Variants in NSUN4 observed in about 807,000 individuals in gnomAD.
NSUN4 encodes 5-cytosine rRNA methyltransferase NSUN4.
A neutral mutation model predicts 43.8 loss-of-function variants in NSUN4; 31 were observed. That is an observed-to-expected ratio of 0.71 (90% CI 0.53 to 0.96). The LOEUF (loss-of-function observed/expected upper bound fraction) is 0.96. Ranked by LOEUF, NSUN4 falls within the 40% of genes least tolerant of loss-of-function variation. The pLI is 0.00. For synonymous variants in NSUN4, 167 were observed against 184.1 expected (o/e 0.91, Z 0.75); for missense variants, 439 against 475.6 (o/e 0.92, Z 0.72).
At chr1:46,378,858 C>T in the NSUN4 span, among the ~76,000 whole-genome samples, 34,130 of 152,138 alleles carry the variant, frequency 0.22, 4,294 homozygotes, top group Non-Finnish European at 0.29. Context: ...CTCCACATGG[C>T]TTCTAGTCCT....
At chr1:46,383,448 G>GTTT in the NSUN4 span, among the ~76,000 whole-genome samples, 76 of 102,358 alleles carry the variant, frequency 7.4e-4, no homozygotes, top group African/African-American at 1.1e-3. Flanking sequence ...GTTGGCTGGT[G>GTTT]TTTTTTTTTT....
chr1:46,347,039 G>A lies in NSUN4; in HGVS notation c.556G>A (p.Gly186Arg). 6.2e-7 allele frequency: 1 copy of A among 1,614,186 alleles called. No homozygotes were observed. The highest frequency in any genetic ancestry group is 8.5e-7 in the Non-Finnish European group (1 of 1,180,024). Residue 186 changes from glycine to arginine, a missense_variant, in exon 3 of 6, where the codon GGA becomes AGA. Physicochemically the swap from Gly to Arg is moderately radical, Grantham distance 125. Coordinates refer to ENST00000474844, the MANE Select transcript of NSUN4 (RefSeq NM_199044.4). The part of the protein sequence containing the change: ...IVLDLCAAPG[G>R]KTLALLQTGC... ...GCTTGACCTATGTGCAGCTCCTGGG[G>A]GAAAGACACTAGCGTTGCTTCAGAC...
At chr1:46,354,512 G>A (rs527675309) in intron 4 of NSUN4, among the ~76,000 whole-genome samples, 63 of 152,154 alleles carry the variant, frequency 4.1e-4, no homozygotes, top group Non-Finnish European at 6.3e-4. Context: ...TTGTCTCTGT[G>A]TTGTCACCTG....
the NSUN4 span, among the ~76,000 whole-genome samples, chr1:46,377,351 G>A: frequency 6.6e-6 from 1 of 152,004 alleles, no homozygotes; most frequent in Non-Finnish European, 1.5e-5. Flanking sequence ...TGCCCAACCA[G>A]AGTTCTTTAA....
rs376479875 is a variant in NSUN4 at position 46,344,807 on chromosome 1, A to G, written c.100A>G (p.Thr34Ala). ...CCTGTCCTCTCTCTTTTAGGCTGCC[A>G]CAGAGCCCAAATTCCCTGCTGTTCG... Reference protein sequence around the residue: ...RHRYKKKWAATEPKFPAVRLA... With the variant: ...RHRYKKKWAAAEPKFPAVRLA... Residue 34 changes from threonine (T) to alanine (A), a missense_variant, in exon 2 of 6, where the codon ACA (threonine) becomes GCA (alanine). Coordinates refer to ENST00000474844, the MANE Select transcript of NSUN4 (RefSeq NM_199044.4). 16 of 1,613,254 alleles carry G rather than the reference A, an allele frequency of 9.9e-6. No individual in the cohort carries two copies. The highest frequency in any genetic ancestry group is 1.6e-4 in the Middle Eastern group (1 of 6,074).
At chr1:46,366,559 G>A (rs1664137144), downstream of NSUN4, among the ~76,000 whole-genome samples, 2 of 151,834 alleles carry the variant, frequency 1.3e-5, no homozygotes, top group Admixed American at 1.3e-4. Flanking sequence ...TAAAAAAAGA[G>A]AAGGGGGTTG....
chr1:46,377,296 C>T, the NSUN4 span, among the ~76,000 whole-genome samples: 1 of 152,244 alleles, frequency 6.6e-6, no homozygotes, highest in South Asian at 2.1e-4. Flanking sequence ...GTGATCCACC[C>T]GCCTTGGCCT....
chr1:46,341,073 C>T (rs1662061622), intron 1 of NSUN4, 154 bp downstream of exon 1: 1 of 1,158,862 alleles, frequency 8.6e-7, no homozygotes, highest in East Asian at 2.7e-5. Flanking sequence ...CCGTCACCGC[C>T]TCTGTCCGCA....
chr1:46,352,890 C>G lies in NSUN4; in HGVS notation c.615C>G (p.Leu205=). The G allele has an allele frequency of 6.2e-7, 1 of 1,614,180 alleles. No individual in the cohort carries two copies. The highest frequency in any genetic ancestry group is 1.1e-5 in the South Asian group (1 of 91,086). The change falls in exon 4 of 6, where the codon CTC becomes CTG. Residue 205 remains leucine, a synonymous_variant. Coordinates refer to ENST00000474844, the MANE Select transcript of NSUN4 (RefSeq NM_199044.4). The stretch of plus-strand genomic sequence containing the variant: ...TAGGCAATCTTGCTGCCAATGATCT[C>G]TCCCCGTCCCGAATAGCCAGACTAC... The part of the protein sequence containing the change: ...GCCRNLAAND[L]SPSRIARLQK...
chr1:46,370,057 A>G (rs1471281473), downstream of NSUN4, among the ~76,000 whole-genome samples: 1 of 152,220 alleles, frequency 6.6e-6, no homozygotes, highest in Non-Finnish European at 1.5e-5. Context: ...TGTTCAGACC[A>G]TATTTTGAGG....
downstream of NSUN4, among the ~76,000 whole-genome samples, chr1:46,367,351 G>A (rs1664159932): frequency 6.6e-6 from 1 of 152,154 alleles, no homozygotes; most frequent in Non-Finnish European, 1.5e-5. Context: ...TGTGAAAAAA[G>A]CATTGTTTTA....
At chr1:46,381,939 T>A in the NSUN4 span, among the ~76,000 whole-genome samples, 1 of 152,158 alleles carries the variant, frequency 6.6e-6, no homozygotes, top group Non-Finnish European at 1.5e-5. Flanking sequence ...AGGCACTCAA[T>A]CCTCACTGAA....
the NSUN4 span, chr1:46,370,455 TGTA>T: frequency 6.6e-6 from 1 of 152,160 alleles, no homozygotes; most frequent in Non-Finnish European, 1.5e-5. Flanking sequence ...CTCTTGGACA[TGTA>T]GTAGGCTTGC....
downstream of NSUN4, among the ~76,000 whole-genome samples, chr1:46,366,704 C>CAAAAAAAAAAAAAAA (rs34437222): frequency 3.4e-5 from 2 of 59,400 alleles, no homozygotes; most frequent in Admixed American, 2.4e-4. Flanking sequence ...ACTAAAAATA[C>CAAAAAAAAAAAAAAA]AAAAAAAAAA....
At chr1:46,378,357 C>T in the NSUN4 span, among the ~76,000 whole-genome samples, 1 of 152,008 alleles carries the variant, frequency 6.6e-6, no homozygotes, top group Non-Finnish European at 1.5e-5. Flanking sequence ...GTCACCACAC[C>T]CCTTAATTTT....
At chr1:46,355,561 C>T (rs1663302662) in intron 4 of NSUN4, among the ~76,000 whole-genome samples, 1 of 152,180 alleles carries the variant, frequency 6.6e-6, no homozygotes, top group African/African-American at 2.4e-5. Flanking sequence ...ATATAGAAAA[C>T]ATTCAGTAGT....
the NSUN4 span, among the ~76,000 whole-genome samples, chr1:46,374,087 G>C: frequency 6.6e-6 from 1 of 152,006 alleles, no homozygotes. Context: ...AGGAGTTTGA[G>C]ATCAGCTTGC....
At chr1:46,344,748 AG>A (rs1198599453) in intron 1 of NSUN4, 52 bp from the exon 2 acceptor site, 10 of 1,502,618 alleles carry the variant, frequency 6.7e-6, no homozygotes, top group African/African-American at 5.5e-5. Flanking sequence ...GTCAGGTAGT[AG>A]GGGGTAGAGT....
chr1:46,350,531 C>T (rs1267991921), intron 3 of NSUN4, among the ~76,000 whole-genome samples: 1 of 152,172 alleles, frequency 6.6e-6, no homozygotes, highest in East Asian at 1.9e-4. Context: ...CATTTATCAT[C>T]AAGCTTGCAA....
Sources: gnomAD v4.1 joint callset for allele counts (sites outside exome capture counted in the v4.1 genomes callset) on GRCh38, gnomAD v4.1.1 for gene constraint, MANE v1.5 for transcripts, NCBI Gene and HGNC (gene_info 2026-07-23, HGNC 2026-07-21) for gene names.